Variants in RCOR3 observed in about 807,000 individuals in gnomAD.
The protein encoded by RCOR3 is REST corepressor 3.
In RCOR3, 13 loss-of-function variants were observed where a neutral mutation model predicts 64.1. The observed-to-expected ratio is 0.20, with a 90% CI of 0.13 to 0.32. The LOEUF is 0.32. Among genes scored for constraint, RCOR3 ranks in the 10% least tolerant of loss-of-function variants. The probability of loss-of-function intolerance (pLI) is 1.00; values close to 1 mark genes in which losing one functional copy is unlikely to be tolerated. For missense variants in RCOR3, 489 were observed against 701.2 expected (o/e 0.70, Z 3.42); for synonymous variants, 215 against 239.0 (o/e 0.90, Z 0.93).
intron 8 of RCOR3, among the ~76,000 whole-genome samples, chr1:211,292,169 A>G (rs1192021454): frequency 6.6e-6 from 1 of 152,146 alleles, no homozygotes; most frequent in Non-Finnish European, 1.5e-5. Flanking sequence ...TGACACTGTC[A>G]GCCATGTCTT....
chr1:211,266,786 A>C (rs570641022), intron 2 of RCOR3, among the ~76,000 whole-genome samples: 6 of 152,330 alleles, frequency 3.9e-5, no homozygotes, highest in African/African-American at 1.4e-4. Flanking sequence ...GAAAAAGGTA[A>C]AACTTATTGG....
chr1:211,308,462 A>G (rs1374245930), intron 10 of RCOR3, among the ~76,000 whole-genome samples: 1 of 152,184 alleles, frequency 6.6e-6, no homozygotes, highest in African/African-American at 2.4e-5. Flanking sequence ...TCTTAATGAT[A>G]GAAAAGAATC....
At chr1:211,300,071 C>CTTTTTTTTTTTTTTTTTTTTTTTTT (rs11419492) in intron 9 of RCOR3, among the ~76,000 whole-genome samples, 1 of 121,300 alleles carries the variant, frequency 8.2e-6, no homozygotes. Context: ...TTCTTTCTTT[C>CTTTTTTTTTTTTTTTTTTTTTTTTT]TTTTTTTTTT....
chr1:211,278,390 G>A (rs1697312560), intron 6 of RCOR3, 149 bp downstream of exon 6: 1 of 885,234 alleles, frequency 1.1e-6, no homozygotes, highest in Non-Finnish European at 1.7e-6. Context: ...GAGCCAAGTG[G>A]TTAGAAGTTT....
chr1:211,276,853 G>A (rs561746486), intron 5 of RCOR3, among the ~76,000 whole-genome samples: 4 of 151,986 alleles, frequency 2.6e-5, no homozygotes, highest in Non-Finnish European at 5.9e-5. Context: ...TTGGGAGGCC[G>A]AGGCGGGCAG....
In RCOR3 at chr1:211,278,269, A is replaced by G. The variant is rs767142528; in HGVS notation, c.641+28A>G. 9 of 1,611,664 alleles carry G rather than the reference A, an allele frequency of 5.6e-6. No individual in the cohort carries two copies. In the East Asian group the frequency reaches 1.8e-4, roughly 32 times the overall value. ...AGGTTGGTTACCTTCATATAGTTAC[A>G]TTGTTAGGGACACTGCATTGTATTG... On this transcript the variant is annotated intron_variant, in intron 6 of 11. Coordinates refer to ENST00000419091, the MANE Select transcript of RCOR3 (RefSeq NM_001136223.3).
At chr1:211,268,769 T>C (rs1358269394) in intron 2 of RCOR3, among the ~76,000 whole-genome samples, 2 of 152,238 alleles carry the variant, frequency 1.3e-5, no homozygotes, top group Admixed American at 6.5e-5. Flanking sequence ...TCCTTTTTTA[T>C]TAAAGATATG....
At chr1:211,260,778 G>A (rs1694121373) in intron 2 of RCOR3, among the ~76,000 whole-genome samples, 2 of 152,118 alleles carry the variant, frequency 1.3e-5, no homozygotes, top group South Asian at 4.1e-4. Context: ...GCCAGCGGCA[G>A]GCACACCTCG....
intron 1 of RCOR3, 78 bp downstream of exon 1, chr1:211,259,804 G>T (rs1208527089): frequency 1.1e-5 from 10 of 932,496 alleles, no homozygotes; most frequent in Non-Finnish European, 1.3e-5. Context: ...TCCCCTCGCC[G>T]CTCTCCCGCC....
chr1:211,268,359 T>G (rs1316056908), intron 2 of RCOR3, among the ~76,000 whole-genome samples: 1 of 135,004 alleles, frequency 7.4e-6, no homozygotes, highest in Non-Finnish European at 1.5e-5. Context: ...TATCAAAGTT[T>G]CTTTTCTTTC....
At chr1:211,297,256 C>A (rs542090559) in intron 9 of RCOR3, among the ~76,000 whole-genome samples, 11 of 152,154 alleles carry the variant, frequency 7.2e-5, no homozygotes, top group Non-Finnish European at 1.5e-4. Flanking sequence ...TGTTAAAGTC[C>A]AGTAGCATTT....
chr1:211,295,987 A>G (rs1429077435), intron 9 of RCOR3, among the ~76,000 whole-genome samples: 1 of 152,218 alleles, frequency 6.6e-6, no homozygotes, highest in African/African-American at 2.4e-5. Context: ...GCAAGCCAAC[A>G]ATTAGGGAAA....
intron 9 of RCOR3, among the ~76,000 whole-genome samples, chr1:211,296,204 C>T (rs1699847960): frequency 6.6e-6 from 1 of 152,098 alleles, no homozygotes; most frequent in Non-Finnish European, 1.5e-5. Context: ...TCAGCTTCCA[C>T]TTATGATTTT....
chr1:211,291,577 C>T, intron 8 of RCOR3: 1 of 456,188 alleles, frequency 2.2e-6, no homozygotes, highest in Non-Finnish European at 4.4e-6. Flanking sequence ...TATGGGAGGA[C>T]TACTATATTC....
At chr1:211,296,505 G>C (rs970116050) in intron 9 of RCOR3, among the ~76,000 whole-genome samples, 5 of 152,046 alleles carry the variant, frequency 3.3e-5, no homozygotes, top group African/African-American at 1.2e-4. Flanking sequence ...TTCCCCAGAA[G>C]GGGAAAAGAA....
intron 5 of RCOR3, 127 bp from the exon 6 acceptor site, chr1:211,277,990 T>C: frequency 1.3e-6 from 1 of 791,172 alleles, no homozygotes; most frequent in South Asian, 1.7e-5. Context: ...TTTTTAGCTC[T>C]ATAATTCATA....
At chr1:211,269,785 G>A (rs1313199401) in intron 2 of RCOR3, among the ~76,000 whole-genome samples, 1 of 152,056 alleles carries the variant, frequency 6.6e-6, no homozygotes, top group African/African-American at 2.4e-5. Flanking sequence ...TTTATATGAA[G>A]TTTTAATAGG....
intron 2 of RCOR3, among the ~76,000 whole-genome samples, chr1:211,263,032 CCCA>C (rs1371846262): frequency 7.9e-5 from 9 of 113,856 alleles, no homozygotes; most frequent in Admixed American, 3.3e-4. Context: ...CTGCCCCCAC[CCCA>C]CAACAGTCCC....
At chr1:211,307,732 TA>T (rs924398211) in intron 10 of RCOR3, among the ~76,000 whole-genome samples, 13 of 150,604 alleles carry the variant, frequency 8.6e-5, no homozygotes, top group African/African-American at 2.4e-4. Context: ...CATTACTGCT[TA>T]AAAAAAAATG....
Sources: gnomAD v4.1 joint callset for allele counts (sites outside exome capture counted in the v4.1 genomes callset) on GRCh38, gnomAD v4.1.1 for gene constraint, MANE v1.5 for transcripts, NCBI Gene and HGNC (gene_info 2026-07-23, HGNC 2026-07-21) for gene names.